RAB27B: variants seen among roughly 807,000 people sequenced by gnomAD.
RAB27B encodes ras-related protein Rab-27B.
RAB27B carries 15 observed loss-of-function variants against 24.6 expected under a neutral mutation model. The ratio of observed to expected loss-of-function variants is 0.61; its 90% CI spans 0.41 to 0.94. RAB27B has a LOEUF of 0.94. RAB27B is among the 40% of genes least tolerant of loss of function. RAB27B has a pLI of 0.00. For synonymous variants in RAB27B, 105 were observed against 92.5 expected (o/e 1.14, Z -0.78); for missense variants, 261 against 266.8 (o/e 0.98, Z 0.15).
chr18:54,759,766 G>A (rs1170368359), intron 2 of RAB27B, among the ~76,000 whole-genome samples: 1 of 152,174 alleles, frequency 6.6e-6, no homozygotes, highest in African/African-American at 2.4e-5. Context: ...CAGCAGCTGG[G>A]TGTTGGAGAG....
chr18:54,857,051 G>A (rs903418626), intron 1 of RAB27B, among the ~76,000 whole-genome samples: 1 of 152,060 alleles, frequency 6.6e-6, no homozygotes, highest in African/African-American at 2.4e-5. Flanking sequence ...ACATGCAAAG[G>A]TTTCATAAAT....
chr18:54,804,901 TCTC>T (rs879372752), intron 2 of RAB27B, among the ~76,000 whole-genome samples: 32,261 of 77,334 alleles, frequency 0.42, 4,513 homozygotes, highest in East Asian at 0.62. Flanking sequence ...TCTCTTTCTC[TCTC>T]TCTTTCTTTC....
chr18:54,733,516 A>T (rs73474589), intron 2 of RAB27B, among the ~76,000 whole-genome samples: 1,864 of 152,306 alleles, frequency 0.012, 40 homozygotes, highest in African/African-American at 0.041. Flanking sequence ...AGAAATTTTC[A>T]GAAGGAACTT....
intron 1 of RAB27B, among the ~76,000 whole-genome samples, chr18:54,833,704 C>A (rs1036042840): frequency 6.6e-6 from 1 of 152,186 alleles, no homozygotes; most frequent in Non-Finnish European, 1.5e-5. Flanking sequence ...GAGGAAAGGG[C>A]ATTTCAGTTG....
intron 2 of RAB27B, among the ~76,000 whole-genome samples, chr18:54,776,644 G>T (rs1212069013): frequency 3.9e-5 from 6 of 152,310 alleles, no homozygotes; most frequent in African/African-American, 1.4e-4. Context: ...TTCTGCAGTT[G>T]TTGGTTTGTG....
chr18:54,816,098 T>C (rs145557883), intron 2 of RAB27B, among the ~76,000 whole-genome samples: 216 of 152,332 alleles, frequency 1.4e-3, no homozygotes, highest in African/African-American at 4.9e-3. Flanking sequence ...ACATTCACTG[T>C]TTTAATATGC....
chr18:54,850,046 C>T (rs1011959684), intron 1 of RAB27B, among the ~76,000 whole-genome samples: 18 of 151,680 alleles, frequency 1.2e-4, no homozygotes, highest in African/African-American at 4.4e-4. Flanking sequence ...TAATACAAAA[C>T]CATGTTTTGT....
chr18:54,869,381 T>C (rs996485931), intron 1 of RAB27B, among the ~76,000 whole-genome samples: 1 of 152,230 alleles, frequency 6.6e-6, no homozygotes, highest in African/African-American at 2.4e-5. Context: ...AAAAGTCCTT[T>C]CCCAACACTG....
rs568578521 is a variant in RAB27B at position 54,893,490 on chromosome 18, C to T, written c.*4077C>T. ...TTTTAAGATGCCAAGATGCTGCCTACGTTTGCAAAAGTTGTCTAAGAATTC... is the reference window on the plus strand; with the variant it reads ...TTTTAAGATGCCAAGATGCTGCCTATGTTTGCAAAAGTTGTCTAAGAATTC... On this transcript the variant is annotated 3_prime_UTR_variant, in exon 6 of 6. Transcript: ENST00000262094. 2.6e-5 allele frequency: 4 copies of T among 152,096 alleles called. No homozygotes were observed. The highest frequency in any genetic ancestry group is 3.4e-3 in the Middle Eastern group (1 of 294). The allele number at this position is 152,096 out of a possible 1,614,324, so 9.4% of individuals were successfully genotyped here. A position where few individuals can be genotyped will look rare whatever the true frequency, so the allele number is the denominator to read the frequency against.
chr18:54,796,401 T>C (rs1833279), intron 2 of RAB27B, among the ~76,000 whole-genome samples: 142,211 of 152,048 alleles, frequency 0.94, 67,257 homozygotes, highest in South Asian at 1. Context: ...ATCCTGAGTG[T>C]TTGCCCAGTG....
chr18:54,850,593 C>G (rs571608406), intron 1 of RAB27B, among the ~76,000 whole-genome samples: 1 of 150,844 alleles, frequency 6.6e-6, no homozygotes, highest in South Asian at 2.1e-4. Flanking sequence ...TCTCAAACTC[C>G]TGCCTCAGGT....
rs149691942 is a variant in RAB27B at position 54,798,461 on chromosome 18, C to T, written c.-19-79106C>T. 3.3e-4 allele frequency among the ~76,000 whole-genome samples: 50 copies of T among 152,350 alleles called. 1 individual carries two copies. Among genetic ancestry groups the T allele is most frequent in the African/African-American group, 1.1e-3 (47 of 41,584 alleles). ...TGGAGCTAGATGAGAACCAAGGCCT[C>T]GGGTGCCCAGGCTTTCTCTGTCTCC... On this transcript the variant is annotated intron_variant, in intron 2 of 4. Coordinates refer to the RAB27B transcript ENST00000586570.
chr18:54,795,387 C>T (rs1909384212), intron 2 of RAB27B, among the ~76,000 whole-genome samples: 2 of 152,182 alleles, frequency 1.3e-5, no homozygotes, highest in Admixed American at 1.3e-4. Flanking sequence ...GAAAGCCAAT[C>T]ACTGAGATGA....
At chr18:54,816,258 A>C (rs1910117601) in intron 2 of RAB27B, among the ~76,000 whole-genome samples, 1 of 152,232 alleles carries the variant, frequency 6.6e-6, no homozygotes, top group African/African-American at 2.4e-5. Flanking sequence ...TGAGGGTATA[A>C]GGCGAAGGCC....
chr18:54,776,695 C>T (rs1172624011), intron 2 of RAB27B, among the ~76,000 whole-genome samples: 3 of 152,124 alleles, frequency 2.0e-5, no homozygotes, highest in Non-Finnish European at 4.4e-5. Flanking sequence ...GAGTCTTATT[C>T]AAGTTTATGA....
At chr18:54,832,750 T>G (rs1910734597) in intron 1 of RAB27B, among the ~76,000 whole-genome samples, 1 of 151,924 alleles carries the variant, frequency 6.6e-6, no homozygotes, top group South Asian at 2.1e-4. Context: ...TTTTTTAGGA[T>G]GAAGGGTGTG....
intron 1 of RAB27B, among the ~76,000 whole-genome samples, chr18:54,831,632 G>A (rs369165503): frequency 1.1e-4 from 16 of 152,116 alleles, no homozygotes; most frequent in African/African-American, 3.1e-4. Flanking sequence ...GGAAAGAGAC[G>A]GATAAGTAAA....
At chr18:54,812,356 G>A (rs1455262546) in intron 2 of RAB27B, among the ~76,000 whole-genome samples, 3 of 152,202 alleles carry the variant, frequency 2.0e-5, no homozygotes, top group Admixed American at 2.0e-4. Context: ...ATTTACAGAT[G>A]TTCTGGAAAT....
chr18:54,814,309 T>C lies in RAB27B; in HGVS notation c.-19-63258T>C, dbSNP rs183691494. On this transcript the variant is annotated intron_variant, in intron 2 of 4. Coordinates refer to the RAB27B transcript ENST00000586570. ...GATGCAGATTTACAATCCAGATTTA[T>C]TGAATAAAACTATTCTATTTTTAAA... Among the ~76,000 whole-genome samples, 341 of 152,370 alleles carry C rather than the reference T, an allele frequency of 2.2e-3. 4 individuals are homozygous for C. The highest frequency in any genetic ancestry group is 0.02 in the Admixed American group (302 of 15,306).
Sources: allele counts gnomAD v4.1 joint callset (sites outside exome capture counted in the v4.1 genomes callset), GRCh38; gene constraint gnomAD v4.1.1; transcripts MANE v1.5; gene names NCBI Gene and HGNC (gene_info 2026-07-23, HGNC 2026-07-21).